DDR1: variants seen among roughly 807,000 people sequenced by gnomAD.
DDR1 encodes the protein discoidin domain receptor tyrosine kinase 1, also known as epithelial discoidin domain-containing receptor 1.
In DDR1, 64 loss-of-function variants were observed where a neutral mutation model predicts 97.4. The observed-to-expected ratio is 0.66, with a 90% CI of 0.54 to 0.81. The LOEUF (loss-of-function observed/expected upper bound fraction) is 0.81. Ranked by LOEUF, DDR1 falls within the 30% of genes least tolerant of loss-of-function variation. The pLI is 0.00. For missense variants in DDR1, 990 were observed against 1,259.6 expected (o/e 0.79, Z 3.24); for synonymous variants, 458 against 503.7 (o/e 0.91, Z 1.21).
intron 17 of DDR1, 22 bp from the exon 18 acceptor site, chr6:30,899,134 C>A: frequency 6.2e-7 from 1 of 1,614,204 alleles, no homozygotes; most frequent in Non-Finnish European, 8.5e-7. Flanking sequence ...CCCTGACTCT[C>A]ATCCACACTG....
At position 30,894,169 on chromosome 6, in the gene DDR1, C is replaced by T. The variant is rs540269364; in HGVS notation, c.1348-337C>T. Among the ~76,000 whole-genome samples, 1 of 151,926 alleles carries T rather than the reference C, an allele frequency of 6.6e-6. No homozygotes were observed. Among genetic ancestry groups the T allele is most frequent in the South Asian group, 2.1e-4 (1 of 4,814 alleles). ...GAGGCTGAGGCATGAATCTCTTGAA[C>T]CTGGGAGGCGAAGGTTGCAGTGAGC... On this transcript the variant is annotated intron_variant, in intron 10 of 17. Transcript: ENST00000376568. This position sits in a 1 kb window ranked among gnomAD's most constrained non-coding sequence, Gnocchi z 5.7.
chr6:30,889,724 A>T lies in DDR1; in HGVS notation c.417+294A>T, dbSNP rs1787317562. Reference sequence around the variant, plus strand: ...CTCCCAAAGTGCTGGGATTACAAGCACTGTAGCCAGCCACCTAGATGTCTA... The same window carrying T: ...CTCCCAAAGTGCTGGGATTACAAGCTCTGTAGCCAGCCACCTAGATGTCTA... On this transcript the variant is annotated intron_variant, in intron 4 of 17. Transcript: ENST00000376568. This position sits in a 1 kb window ranked among gnomAD's most constrained non-coding sequence, Gnocchi z 4.9. Among the ~76,000 whole-genome samples the T allele has an allele frequency of 6.6e-6, 1 of 151,550 alleles. No homozygotes were observed. Among genetic ancestry groups the T allele is most frequent in the Non-Finnish European group, 1.5e-5 (1 of 67,894 alleles).
In DDR1 at chr6:30,886,378, G is replaced by C. The variant is rs1210977543; in HGVS notation, c.-43+1668G>C. On this transcript the variant is annotated intron_variant, in intron 1 of 17. Coordinates refer to ENST00000376568, the MANE Select transcript of DDR1 (RefSeq NM_001297654.2). The surrounding 1 kb of genome is among the most constrained non-coding windows in gnomAD (Gnocchi z 4.6). ...CAGTCTCCTGGGACTCTGGCAGCCT[G>C]CTCCCCGGCGCTGGACCCTAAGGGA... Among the ~76,000 whole-genome samples the C allele has an allele frequency of 1.3e-5, 2 of 152,250 alleles. No homozygotes were observed. Among genetic ancestry groups the C allele is most frequent in the Non-Finnish European group, 2.9e-5 (2 of 68,006 alleles).
chr6:30,882,742 G>C (rs943978574), upstream of DDR1: 1 of 152,822 alleles, frequency 6.5e-6, no homozygotes. The surrounding 1 kb of genome is among the most constrained non-coding windows in gnomAD (Gnocchi z 4.8). Flanking sequence ...GTCTGGCACT[G>C]CCATGCCACT....
chr6:30,889,014 CT>C lies in DDR1; in HGVS notation c.188+6del. The C allele has an allele frequency of 6.2e-7, 1 of 1,612,964 alleles. No individual in the cohort carries two copies. Among genetic ancestry groups the C allele is most frequent in the Non-Finnish European group, 8.5e-7 (1 of 1,179,938 alleles). On this transcript the variant is annotated splice_donor_5th_base_variant and intron_variant, in intron 3 of 17. Transcript: ENST00000376568. This position sits in a 1 kb window ranked among gnomAD's most constrained non-coding sequence, Gnocchi z 4.9. ...CCACTGCCGCCCGCCACAGCAGGTA[CT>C]TGGCACACCTGGCACACTTGTAGCT...
In DDR1 at chr6:30,899,931, T is replaced by C. The variant is rs1052715926; in HGVS notation, c.*635T>C. On this transcript the variant is annotated 3_prime_UTR_variant, in exon 18 of 18. Coordinates refer to ENST00000376568, the MANE Select transcript of DDR1 (RefSeq NM_001297654.2). ...GAACTTCTCTAAGCCTATACGTTTC[T>C]GTGGAGTAAATATTGGGATTGGGGG... The C allele has an allele frequency of 2.0e-4, 105 of 537,522 alleles. No individual in the cohort carries two copies. Among genetic ancestry groups the C allele is most frequent in the African/African-American group, 1.7e-3 (91 of 53,450 alleles). The allele number at this position is 537,522 out of a possible 1,614,324, so 33.3% of individuals were successfully genotyped here.
intron 1 of DDR1, chr6:30,885,645 A>C: frequency 7.4e-7 from 1 of 1,344,350 alleles, no homozygotes. Flanking sequence ...GTGGCTATTC[A>C]CTGAGCGATG....
Position 30,895,484 on chromosome 6 carries a change from C to T in DDR1, c.1594C>T (p.Pro532Ser), listed in dbSNP as rs770845960. 1 of 1,603,546 alleles carries T rather than the reference C, an allele frequency of 6.2e-7. No individual in the cohort carries two copies. The highest frequency in any genetic ancestry group is 2.2e-5 in the East Asian group (1 of 44,636). The change falls in exon 12 of 18, where the codon CCC (proline) becomes TCC (serine). Residue 532 changes from proline (P) to serine (S), a missense_variant. Coordinates refer to ENST00000376568, the MANE Select transcript of DDR1 (RefSeq NM_001297654.2). ...CCCTCGAGGCCCGGGCCCCCCCACA[C>T]CCGCCTGGGCCAAACCCACCAACAC... ...RPPRGPGPPT[P>S]AWAKPTNTQA...
At chr6:30,883,019 G>C (rs1238306675), upstream of DDR1, 1 of 152,448 alleles carries the variant, frequency 6.6e-6, no homozygotes, top group African/African-American at 2.4e-5. The surrounding 1 kb of genome is among the most constrained non-coding windows in gnomAD (Gnocchi z 4.9). Flanking sequence ...CTGGGGGCTT[G>C]GTGGGACAGG....
Position 30,891,540 on chromosome 6 carries a change from TGTGTGTGTGTGTGTGTGA to T in DDR1, c.665+63_665+80del. 2.2e-6 allele frequency: 2 copies of T among 891,408 alleles called. No individual in the cohort carries two copies. The highest frequency in any genetic ancestry group is 3.5e-6 in the Non-Finnish European group (2 of 570,396). 55.2% of individuals were successfully genotyped at this position (891,408 alleles called of 1,614,324 possible). ...TGGGAGGGAGGACTGTGTGTGTGTG[TGTGTGTGTGTGTGTGTGA>T]GAGTGTGTGTGTGTAGGGGGGCTGG... On this transcript the variant is annotated intron_variant, in intron 6 of 17. Transcript: ENST00000376568. The surrounding 1 kb of genome is among the most constrained non-coding windows in gnomAD (Gnocchi z 5.3).
chr6:30,898,164 C>G lies in DDR1; in HGVS notation c.2308C>G (p.Arg770Gly), dbSNP rs368543890. Reference protein sequence around the residue: ...LNFVHRDLATRNCLVGENFTI... With the variant: ...LNFVHRDLATGNCLVGENFTI... ...CTTTGTACATCGGGACCTGGCCACG[C>G]GGAACTGCCTAGTTGGGGAAAATTT... The change falls in exon 16 of 18, where the codon CGG (arginine) becomes GGG (glycine). Residue 770 changes from arginine (R) to glycine (G), a missense_variant. Coordinates refer to ENST00000376568, the MANE Select transcript of DDR1 (RefSeq NM_001297654.2). The G allele has an allele frequency of 2.5e-6, 4 of 1,614,242 alleles. No homozygotes were observed. The highest frequency in any genetic ancestry group is 3.4e-6 in the Non-Finnish European group (4 of 1,180,040).
chr6:30,885,595 C>T (rs1582002676), intron 1 of DDR1: 2 of 1,393,016 alleles, frequency 1.4e-6, no homozygotes, highest in Non-Finnish European at 1.9e-6. Flanking sequence ...GTCACAGGAG[C>T]ATGTGGTGTC....
In DDR1 at chr6:30,892,989, A is replaced by C. The variant is rs190748556; in HGVS notation, c.1100-79A>C. 24 of 1,259,834 alleles carry C rather than the reference A, an allele frequency of 1.9e-5. No homozygotes were observed. The African/African-American group carries it at 3.5e-4, about 18-fold the overall frequency. 78.0% of individuals were successfully genotyped at this position (1,259,834 alleles called of 1,614,324 possible). On this transcript the variant is annotated intron_variant, in intron 8 of 17. Coordinates refer to ENST00000376568, the MANE Select transcript of DDR1 (RefSeq NM_001297654.2). ...ATCACCCATGCTTCTGCTCCTTTGC[A>C]CAACAGTCCACTGCCTCTGCCTCCC...
chr6:30,896,729 A>G lies in DDR1; in HGVS notation c.1733A>G (p.Gln578Arg). The G allele has an allele frequency of 6.2e-7, 1 of 1,600,682 alleles. No individual in the cohort carries two copies. Among genetic ancestry groups the G allele is most frequent in the African/African-American group, 1.3e-5 (1 of 74,732 alleles). Residue 578 changes from glutamine (Q) to arginine (R), a missense_variant, in exon 13 of 18, where the codon CAG becomes CGG. Gln to Arg is a conservative substitution (Grantham distance 43). Coordinates refer to ENST00000376568, the MANE Select transcript of DDR1 (RefSeq NM_001297654.2). ...GCCGAGGCTGACATTGTTACCCTGC[A>G]GGGCGTCACCGGGGGCAACACCTAT... ...HYAEADIVTL[Q>R]GVTGGNTYAV... is the part of the protein sequence containing the mutation.
At chr6:30,895,243 C>A (rs1790279148) in intron 11 of DDR1, among the ~76,000 whole-genome samples, 161 bp from the exon 12 acceptor site, 2 of 152,132 alleles carry the variant, frequency 1.3e-5, no homozygotes, top group Non-Finnish European at 2.9e-5. Flanking sequence ...ATTCATTATC[C>A]AGCCAGCCGT....
rs2150477068 is a variant in DDR1 at position 30,899,044 on chromosome 6, G to A, written c.2601+7G>A. 3.1e-6 allele frequency: 5 copies of A among 1,614,176 alleles called. No homozygotes were observed. Among genetic ancestry groups the A allele is most frequent in the Non-Finnish European group, 4.2e-6 (5 of 1,180,016 alleles). On this transcript the variant is annotated splice_region_variant and intron_variant, in intron 17 of 17. Transcript: ENST00000376568. Reference sequence around the variant, plus strand: ...CCGGGACCAGGGCCGGCAGGTCAGAGTGGAGGAGAGGGAAGATGGGTCCGA... The same window carrying A: ...CCGGGACCAGGGCCGGCAGGTCAGAATGGAGGAGAGGGAAGATGGGTCCGA...
At chr6:30,895,830 T>G (rs1248236701) in intron 12 of DDR1, among the ~76,000 whole-genome samples, 1 of 152,058 alleles carries the variant, frequency 6.6e-6, no homozygotes, top group Non-Finnish European at 1.5e-5. Flanking sequence ...TAGTAACTCC[T>G]CCTTTATTCT....
Position 30,891,133 on chromosome 6 carries a change from G to T in DDR1, c.565+13G>T. On this transcript the variant is annotated intron_variant, in intron 5 of 17. Transcript: ENST00000376568. The surrounding 1 kb of genome is among the most constrained non-coding windows in gnomAD (Gnocchi z 5.3). ...TGCCTCTGGAGGGGTGAGTGGCTCA[G>T]CTTCCTGGGAATCTGTTTCCTGAGC... 1 of 1,612,710 alleles carries T rather than the reference G, an allele frequency of 6.2e-7. No homozygotes were observed. The highest frequency in any genetic ancestry group is 8.5e-7 in the Non-Finnish European group (1 of 1,179,956).
chr6:30,889,408 G>A lies in DDR1; in HGVS notation c.395G>A (p.Trp132Ter), dbSNP rs1413393258. 4 of 1,569,626 alleles carry A rather than the reference G, an allele frequency of 2.5e-6. No homozygotes were observed. Among genetic ancestry groups the A allele is most frequent in the Non-Finnish European group, 3.5e-6 (4 of 1,158,386 alleles). ...YSRDGRRWMG[W>*]KDRWGQEVIS... ...CGGGATGGTCGCCGCTGGATGGGCT[G>A]GAAGGACCGCTGGGGTCAGGAGGTG... The change falls in exon 4 of 18, where the codon TGG becomes TAG. Residue 132 changes from tryptophan (W) to a stop codon, truncating the protein, a stop_gained. Coordinates refer to ENST00000376568, the MANE Select transcript of DDR1 (RefSeq NM_001297654.2). LOFTEE classifies it high-confidence loss of function. This position sits in a 1 kb window ranked among gnomAD's most constrained non-coding sequence, Gnocchi z 4.9.
Sources: gnomAD v4.1 joint callset for allele counts (sites outside exome capture counted in the v4.1 genomes callset) on GRCh38, gnomAD v4.1.1 for gene constraint, Gnocchi (gnomAD v3.1) non-coding constraint, MANE v1.5 for transcripts, NCBI Gene and HGNC (gene_info 2026-07-23, HGNC 2026-07-21) for gene names.